OPCML: variants seen among roughly 807,000 people sequenced by gnomAD.
OPCML encodes opioid binding protein/cell adhesion molecule like, also known as opioid-binding protein/cell adhesion molecule.
OPCML carries 13 observed loss-of-function variants against 37.8 expected under a neutral mutation model. That is an observed-to-expected ratio of 0.34 (90% CI 0.22 to 0.55). The LOEUF (loss-of-function observed/expected upper bound fraction) is 0.55. Among genes scored for constraint, OPCML ranks in the 20% least tolerant of loss-of-function variants. The probability of loss-of-function intolerance (pLI) is 0.91; values close to 1 mark genes in which losing one functional copy is unlikely to be tolerated. For synonymous variants in OPCML, 176 were observed against 168.8 expected, an observed-to-expected ratio of 1.04 and a Z score of -0.33; for missense variants, 341 against 435.6, an observed-to-expected ratio of 0.78 and a Z score of 1.93.
At chr11:132,647,668 G>A (rs1052897269) in intron 3 of OPCML, among the ~76,000 whole-genome samples, 1 of 152,080 alleles carries the variant, frequency 6.6e-6, no homozygotes, top group African/African-American at 2.4e-5. Context: ...TTGTCTTAAT[G>A]TTGAGTAGGC....
At chr11:132,651,259 C>T (rs1941414187) in intron 3 of OPCML, among the ~76,000 whole-genome samples, 1 of 152,182 alleles carries the variant, frequency 6.6e-6, no homozygotes, top group Non-Finnish European at 1.5e-5. Flanking sequence ...TTGGGTGTTG[C>T]TTTGCCACTT....
At chr11:133,513,315 C>T (rs766003303) in intron 1 of OPCML, among the ~76,000 whole-genome samples, 2 of 152,188 alleles carry the variant, frequency 1.3e-5, no homozygotes, top group Non-Finnish European at 2.9e-5. Context: ...ATCTTCAGCA[C>T]GACAAGAGTG....
At chr11:132,755,919 CAGCAAGTG>C (rs1290840785) in intron 2 of OPCML, among the ~76,000 whole-genome samples, 3 of 152,194 alleles carry the variant, frequency 2.0e-5, no homozygotes, top group African/African-American at 7.2e-5. Context: ...GTGTGCCACA[CAGCAAGTG>C]GCTGACAGCT....
intron 1 of OPCML, among the ~76,000 whole-genome samples, chr11:133,264,519 C>A (rs1941594198): frequency 6.6e-6 from 1 of 152,206 alleles, no homozygotes; most frequent in Non-Finnish European, 1.5e-5. Flanking sequence ...GAGGGCCCTT[C>A]TCTAGGTCCT....
At chr11:132,688,819 G>A (rs1394119412) in intron 2 of OPCML, among the ~76,000 whole-genome samples, 3 of 91,966 alleles carry the variant, frequency 3.3e-5, no homozygotes, top group Admixed American at 1.2e-4. Context: ...GCGCGGTGGC[G>A]GGCGCCTGTA....
intron 2 of OPCML, among the ~76,000 whole-genome samples, chr11:132,684,772 A>G (rs1943099285): frequency 6.6e-6 from 1 of 152,206 alleles, no homozygotes; most frequent in African/African-American, 2.4e-5. Context: ...TTGTTCAAAA[A>G]CCAACCAACA....
chr11:133,462,085 T>C (rs370024531), intron 1 of OPCML, among the ~76,000 whole-genome samples: 1 of 152,098 alleles, frequency 6.6e-6, no homozygotes, highest in East Asian at 1.9e-4. Context: ...ATGCAAAATA[T>C]GAAATTCAAC....
intron 2 of OPCML, among the ~76,000 whole-genome samples, chr11:132,756,615 T>C (rs1195199972): frequency 3.3e-5 from 5 of 152,168 alleles, no homozygotes; most frequent in Non-Finnish European, 5.9e-5. Context: ...ATGAGAAATA[T>C]AATGATAAAC....
At chr11:132,739,502 T>C (rs1363747582) in intron 2 of OPCML, among the ~76,000 whole-genome samples, 2 of 152,204 alleles carry the variant, frequency 1.3e-5, no homozygotes, top group Non-Finnish European at 2.9e-5. Flanking sequence ...CAGGCACCAA[T>C]CAACCAGCTA....
chr11:133,176,530 T>A (rs1937602303), intron 1 of OPCML, among the ~76,000 whole-genome samples: 1 of 151,930 alleles, frequency 6.6e-6, no homozygotes, highest in South Asian at 2.1e-4. Context: ...AATCATGGGG[T>A]GCATTTCTCA....
intron 1 of OPCML, among the ~76,000 whole-genome samples, chr11:133,418,820 T>C (rs1280330499): frequency 6.6e-6 from 1 of 152,166 alleles, no homozygotes; most frequent in Non-Finnish European, 1.5e-5. Context: ...ACTTTCCCAA[T>C]TACTTTTATA....
intron 2 of OPCML, among the ~76,000 whole-genome samples, chr11:132,722,589 T>C (rs80181675): frequency 6.6e-6 from 1 of 152,268 alleles, no homozygotes; most frequent in East Asian, 1.9e-4. Context: ...AAGTATGCAG[T>C]TTCTAGGGAG....
At chr11:132,694,002 G>A (rs1281473675) in intron 2 of OPCML, among the ~76,000 whole-genome samples, 1 of 151,946 alleles carries the variant, frequency 6.6e-6, no homozygotes. Context: ...ATTGGTTCCA[G>A]AAATTAGAAT....
At position 133,068,727 on chromosome 11, in the gene OPCML, C is replaced by G. The variant is rs79632033; in HGVS notation, c.62-125717G>C. Among the ~76,000 whole-genome samples the G allele has an allele frequency of 3.5e-4, 54 of 152,242 alleles. 1 individual carries two copies. The highest frequency in any genetic ancestry group is 1.2e-3 in the African/African-American group (51 of 41,536). On this transcript the variant is annotated intron_variant, in intron 1 of 7. Coordinates refer to ENST00000524381, the MANE Select transcript of OPCML (RefSeq NM_001012393.5). ...TCAGCAGACGGATATTTTGGCATTC[C>G]CTGAATATGTGTATGCATAAGTTAG... is the stretch of plus-strand genomic sequence containing the variant.
At chr11:133,216,125 C>T (rs1470136080) in intron 1 of OPCML, among the ~76,000 whole-genome samples, 1 of 152,140 alleles carries the variant, frequency 6.6e-6, no homozygotes, top group East Asian at 1.9e-4. Flanking sequence ...GCAGTGCAGC[C>T]CTCATCTGAC....
At chr11:132,555,134 A>G (rs569359374) in intron 3 of OPCML, among the ~76,000 whole-genome samples, 3 of 152,114 alleles carry the variant, frequency 2.0e-5, no homozygotes, top group Non-Finnish European at 4.4e-5. Flanking sequence ...ATCATGTCTG[A>G]TAAGTCTGTT....
chr11:132,636,298 C>T (rs779422399), intron 3 of OPCML, among the ~76,000 whole-genome samples: 17 of 152,122 alleles, frequency 1.1e-4, no homozygotes, highest in Non-Finnish European at 1.9e-4. Context: ...AGAATTCAAG[C>T]AATTATCTGG....
intron 1 of OPCML, among the ~76,000 whole-genome samples, chr11:133,214,003 G>A (rs926204551): frequency 1.3e-5 from 2 of 152,078 alleles, no homozygotes; most frequent in African/African-American, 2.4e-5. Flanking sequence ...ATGGTTAAAT[G>A]TTTGTGATGT....
intron 2 of OPCML, among the ~76,000 whole-genome samples, chr11:132,665,411 A>T (rs1402847403): frequency 6.6e-6 from 1 of 152,206 alleles, no homozygotes; most frequent in Non-Finnish European, 1.5e-5. Flanking sequence ...GCAATTTCTC[A>T]CACCACGCAA....
Sources: gnomAD v4.1 joint callset for allele counts (sites outside exome capture counted in the v4.1 genomes callset) on GRCh38, gnomAD v4.1.1 for gene constraint, MANE v1.5 for transcripts, NCBI Gene and HGNC (gene_info 2026-07-23, HGNC 2026-07-21) for gene names.